PLPP4: variants seen among roughly 807,000 people sequenced by gnomAD.
The protein encoded by PLPP4 is diacylglycerol pyrophosphate like 2.
PLPP4 carries 20 observed loss-of-function variants against 32.2 expected under a neutral mutation model. That is an observed-to-expected ratio of 0.62 (90% confidence interval 0.44 to 0.90). The LOEUF (loss-of-function observed/expected upper bound fraction) is 0.90. Ranked by LOEUF, PLPP4 falls within the 40% of genes least tolerant of loss-of-function variation. The pLI, the probability that PLPP4 is intolerant of heterozygous loss-of-function variation, is 0.00. For missense variants in PLPP4, 257 were observed against 353.1 expected (o/e 0.73, Z 2.18); for synonymous variants, 127 against 133.0 (o/e 0.95, Z 0.31).
At chr10:120,527,836 A>T (rs1846477554) in intron 5 of PLPP4, among the ~76,000 whole-genome samples, 1 of 152,176 alleles carries the variant, frequency 6.6e-6, no homozygotes, top group Non-Finnish European at 1.5e-5. Flanking sequence ...GAATTGAGAA[A>T]TTATCACATG....
At chr10:120,495,045 TA>T (rs1844898707) in intron 1 of PLPP4, among the ~76,000 whole-genome samples, 1 of 152,162 alleles carries the variant, frequency 6.6e-6, no homozygotes, top group African/African-American at 2.4e-5. Context: ...TTGACTTCCT[TA>T]AAAGTCCAGT....
intron 5 of PLPP4, among the ~76,000 whole-genome samples, chr10:120,535,600 AG>A (rs1846979083): frequency 6.6e-6 from 1 of 152,018 alleles, no homozygotes; most frequent in Non-Finnish European, 1.5e-5. Flanking sequence ...TAGTTCTGTG[AG>A]GGTTTGCTTC....
At chr10:120,536,331 C>T (rs1847015988) in intron 5 of PLPP4, among the ~76,000 whole-genome samples, 2 of 151,944 alleles carry the variant, frequency 1.3e-5, no homozygotes, top group African/African-American at 4.8e-5. Context: ...CAGTATAATA[C>T]TGGCATAAAA....
chr10:120,528,739 G>A (rs1846549944), intron 5 of PLPP4, among the ~76,000 whole-genome samples: 1 of 152,124 alleles, frequency 6.6e-6, no homozygotes, highest in African/African-American at 2.4e-5. Flanking sequence ...GTTTAAAGCT[G>A]AATCAGACCT....
intron 2 of PLPP4, among the ~76,000 whole-genome samples, chr10:120,511,221 A>C (rs1441166941): frequency 6.6e-6 from 1 of 152,172 alleles, no homozygotes; most frequent in Non-Finnish European, 1.5e-5. Flanking sequence ...AAAGGAGACC[A>C]CTGGGCCATC....
At chr10:120,501,463 C>T (rs1371726345) in intron 1 of PLPP4, among the ~76,000 whole-genome samples, 3 of 152,184 alleles carry the variant, frequency 2.0e-5, no homozygotes, top group Non-Finnish European at 4.4e-5. Flanking sequence ...TCAGGCCCTA[C>T]ATATATATTT....
chr10:120,541,395 C>A (rs1377593372), intron 5 of PLPP4, among the ~76,000 whole-genome samples: 1 of 152,134 alleles, frequency 6.6e-6, no homozygotes, highest in Non-Finnish European at 1.5e-5. Context: ...GATCTCTGTC[C>A]CCAGATGATG....
In PLPP4 at chr10:120,520,889, A is replaced by C. The variant is rs1042127551; in HGVS notation, c.321-82A>C. ...GGGGGCTGAGGAAAGAGCTGGGGGC[A>C]GTGGGGAGTTGGGGGGGTCAGCTTG... On this transcript the variant is annotated intron_variant, in intron 4 of 6. Transcript: ENST00000398250. 11 of 1,511,276 alleles carry C rather than the reference A, an allele frequency of 7.3e-6. No homozygotes were observed. In the African/African-American group the frequency reaches 1.6e-4, roughly 22 times the overall value. The allele number at this position is 1,511,276 out of a possible 1,614,324, so 93.6% of individuals were successfully genotyped here.
In PLPP4 at chr10:120,493,728, C is replaced by T. The variant is rs117172758; in HGVS notation, c.57-10090C>T. The stretch of plus-strand genomic sequence containing the variant: ...ACGTGTTTTCATTGTCTCTTATACA[C>T]GTTCTCGTCGAGGGAGGGATTCCTG... On this transcript the variant is annotated intron_variant, in intron 1 of 6. Coordinates refer to ENST00000398250, the MANE Select transcript of PLPP4 (RefSeq NM_001030059.3). Among the ~76,000 whole-genome samples the T allele has an allele frequency of 4.1e-3, 627 of 152,260 alleles. 4 individuals carry two copies. The highest frequency in any genetic ancestry group is 5.4e-3 in the Non-Finnish European group (366 of 68,024).
chr10:120,567,799 A>G (rs888057588), intron 5 of PLPP4, among the ~76,000 whole-genome samples: 1 of 152,212 alleles, frequency 6.6e-6, no homozygotes, highest in African/African-American at 2.4e-5. Context: ...ACTTTAAAAA[A>G]TTCACAGTTC....
At chr10:120,465,224 C>T (rs191471002) in intron 1 of PLPP4, among the ~76,000 whole-genome samples, 1 of 152,292 alleles carries the variant, frequency 6.6e-6, no homozygotes, top group Non-Finnish European at 1.5e-5. Context: ...GAATTAGAAA[C>T]ACTGTTTTTA....
At chr10:120,573,392 G>A (rs905405090) in intron 5 of PLPP4, among the ~76,000 whole-genome samples, 2 of 152,102 alleles carry the variant, frequency 1.3e-5, no homozygotes, top group African/African-American at 4.8e-5. Flanking sequence ...TCGCTTTTAA[G>A]AAGGCACATT....
intron 1 of PLPP4, 111 bp from the exon 2 acceptor site, chr10:120,503,707 C>A (rs1021014571): frequency 6.3e-7 from 1 of 1,590,494 alleles, no homozygotes; most frequent in Non-Finnish European, 8.6e-7. Flanking sequence ...TTTCCCCTTC[C>A]CCAGCAGGCT....
intron 1 of PLPP4, among the ~76,000 whole-genome samples, chr10:120,467,378 C>A (rs1396700576): frequency 3.1e-5 from 2 of 64,494 alleles, no homozygotes; most frequent in African/African-American, 6.6e-5. Flanking sequence ...GCGTGAGCCA[C>A]CGCGCCCGGC....
At chr10:120,538,679 C>T (rs1185690511) in intron 5 of PLPP4, among the ~76,000 whole-genome samples, 1 of 152,142 alleles carries the variant, frequency 6.6e-6, no homozygotes, top group Non-Finnish European at 1.5e-5. Context: ...TTCTCCCCTC[C>T]TCCTTATACA....
chr10:120,588,369 T>TG lies in PLPP4; in HGVS notation c.617-933dup, dbSNP rs371296264. ...TGCAGATGCACCCCCCTGCCTCACC[T>TG]GCTCCCCTCTTGCCTCCCAGCTGGT... is the stretch of plus-strand genomic sequence containing the variant. On this transcript the variant is annotated intron_variant, in intron 6 of 6. Transcript: ENST00000398250. Among the ~76,000 whole-genome samples, 983 of 152,324 alleles carry TG rather than the reference T, an allele frequency of 6.5e-3. 13 individuals carry two copies. The highest frequency in any genetic ancestry group is 0.022 in the African/African-American group (928 of 41,572).
At chr10:120,530,241 A>G (rs569961207) in intron 5 of PLPP4, among the ~76,000 whole-genome samples, 3 of 152,346 alleles carry the variant, frequency 2.0e-5, no homozygotes, top group East Asian at 3.9e-4. Context: ...ATCACAATAC[A>G]GAATATTTCC....
chr10:120,489,918 T>C (rs890196486), intron 1 of PLPP4, among the ~76,000 whole-genome samples: 4 of 152,178 alleles, frequency 2.6e-5, no homozygotes, highest in Non-Finnish European at 4.4e-5. Context: ...CAAATATTTA[T>C]TGAGCACCTA....
intron 5 of PLPP4, among the ~76,000 whole-genome samples, chr10:120,554,155 CA>C: frequency 6.6e-6 from 1 of 152,264 alleles, no homozygotes; most frequent in South Asian, 2.1e-4. Flanking sequence ...TAGCAGCAGC[CA>C]GGTTACCCCT....
Sources: allele counts gnomAD v4.1 joint callset (sites outside exome capture counted in the v4.1 genomes callset), GRCh38; gene constraint gnomAD v4.1.1; transcripts MANE v1.5; gene names NCBI Gene and HGNC (gene_info 2026-07-23, HGNC 2026-07-21).